TBC1D22A: variants seen among roughly 807,000 people sequenced by gnomAD.
TBC1D22A encodes the protein putative GTPase activator.
TBC1D22A carries 38 observed loss-of-function variants against 60.2 expected under a neutral mutation model. That is an observed-to-expected ratio of 0.63 (90% CI 0.49 to 0.83). The LOEUF is 0.83. Among genes scored for constraint, TBC1D22A ranks in the 40% least tolerant of loss-of-function variants. TBC1D22A has a pLI of 0.00. For missense variants in TBC1D22A, 628 were observed against 701.0 expected, an observed-to-expected ratio of 0.90 and a Z score of 1.18; for synonymous variants, 302 against 281.7, an observed-to-expected ratio of 1.07 and a Z score of -0.72.
intron 12 of TBC1D22A, among the ~76,000 whole-genome samples, chr22:47,123,868 G>A (rs1182137177): frequency 1.3e-5 from 2 of 152,094 alleles, no homozygotes; most frequent in African/African-American, 4.8e-5. Context: ...GATCAGGTTT[G>A]TGTTGCTGTG....
At chr22:47,060,238 CTTTTTTTTTT>C (rs3884803) in intron 11 of TBC1D22A, among the ~76,000 whole-genome samples, 2 of 111,658 alleles carry the variant, frequency 1.8e-5, no homozygotes, top group Non-Finnish European at 3.5e-5. Context: ...GGGTTTCTGA[CTTTTTTTTTT>C]TTTTTTTTTT....
chr22:47,153,887 G>A (rs1476878231), intron 12 of TBC1D22A, among the ~76,000 whole-genome samples: 1 of 152,198 alleles, frequency 6.6e-6, no homozygotes, highest in African/African-American at 2.4e-5. Flanking sequence ...AGTCCCGTGT[G>A]GAGGCGGGGA....
chr22:47,112,154 C>A (rs1404965959), intron 12 of TBC1D22A, among the ~76,000 whole-genome samples: 5 of 152,232 alleles, frequency 3.3e-5, no homozygotes. Flanking sequence ...ACCTGTGGGA[C>A]TCCCTGTGGA....
intron 1 of TBC1D22A, among the ~76,000 whole-genome samples, chr22:46,772,831 T>G (rs186902865): frequency 6.6e-6 from 1 of 152,170 alleles, no homozygotes; most frequent in Non-Finnish European, 1.5e-5. Context: ...ATTTTTACCA[T>G]GTTGGCCAGG....
At chr22:46,873,273 A>G (rs2067377011) in intron 4 of TBC1D22A, among the ~76,000 whole-genome samples, 1 of 152,222 alleles carries the variant, frequency 6.6e-6, no homozygotes, top group Non-Finnish European at 1.5e-5. Context: ...GATGGCCAGT[A>G]AACACATGAA....
chr22:46,967,199 C>T lies in TBC1D22A; in HGVS notation c.1016-7091C>T, dbSNP rs571125636. On this transcript the variant is annotated intron_variant, in intron 8 of 12. Coordinates refer to ENST00000337137, the MANE Select transcript of TBC1D22A (RefSeq NM_014346.5). ...TATCCATATAAGAATTAAACATTCC[C>T]GCACTAGAGCCATTTGATCATAACG... 1.2e-3 allele frequency among the ~76,000 whole-genome samples: 183 copies of T among 152,290 alleles called. 1 individual carries two copies. Among genetic ancestry groups the T allele is most frequent in the African/African-American group, 4.0e-3 (168 of 41,578 alleles).
chr22:46,866,277 G>C (rs1222431811), intron 4 of TBC1D22A, among the ~76,000 whole-genome samples: 2 of 152,022 alleles, frequency 1.3e-5, no homozygotes, highest in African/African-American at 4.8e-5. Flanking sequence ...GCTAATTTTT[G>C]TATTTTAGTA....
rs978369391 is a variant in TBC1D22A, at chr22:47,075,626, C to T, written c.1330-35882C>T. 1.5e-4 allele frequency among the ~76,000 whole-genome samples: 23 copies of T among 151,948 alleles called. No individual in the cohort carries two copies. In the East Asian group the frequency reaches 4.4e-3, roughly 29 times the overall value. ...AAACCTTGATCAATACAATAGAAGGCATAAAAGGAGAAGAAATATTTTTAA... is the reference window on the plus strand; with the variant it reads ...AAACCTTGATCAATACAATAGAAGGTATAAAAGGAGAAGAAATATTTTTAA... On this transcript the variant is annotated intron_variant, in intron 11 of 12. Transcript: ENST00000337137.
At chr22:46,867,130 G>T (rs964006100) in intron 4 of TBC1D22A, among the ~76,000 whole-genome samples, 1 of 152,154 alleles carries the variant, frequency 6.6e-6, no homozygotes, top group Non-Finnish European at 1.5e-5. Flanking sequence ...ATTCAGCTAC[G>T]TGACCAAGTA....
At chr22:46,852,139 A>G (rs560101881) in intron 4 of TBC1D22A, among the ~76,000 whole-genome samples, 2 of 152,230 alleles carry the variant, frequency 1.3e-5, no homozygotes, top group Middle Eastern at 3.4e-3. Context: ...CTGCTCAGCT[A>G]TTTGGGGGGA....
chr22:47,008,841 T>C (rs2061663691), intron 10 of TBC1D22A, among the ~76,000 whole-genome samples: 1 of 152,170 alleles, frequency 6.6e-6, no homozygotes, highest in Non-Finnish European at 1.5e-5. Flanking sequence ...AGGAACAGGC[T>C]GACCTCCCAC....
intron 9 of TBC1D22A, among the ~76,000 whole-genome samples, chr22:46,996,264 C>T (rs1171744417): frequency 2.0e-5 from 3 of 152,260 alleles, no homozygotes; most frequent in African/African-American, 7.2e-5. Flanking sequence ...CAGTGGCCTG[C>T]CTGGCTTCCC....
chr22:46,947,967 A>G (rs1475693728), intron 8 of TBC1D22A, among the ~76,000 whole-genome samples: 1 of 152,174 alleles, frequency 6.6e-6, no homozygotes, highest in East Asian at 1.9e-4. Flanking sequence ...CTCACCTGAT[A>G]AACTCGCCTT....
chr22:47,102,098 C>T (rs1172307388), intron 11 of TBC1D22A, among the ~76,000 whole-genome samples: 3 of 152,212 alleles, frequency 2.0e-5, no homozygotes, highest in African/African-American at 7.2e-5. Context: ...CCCCCACTTG[C>T]CGTTGCTGCA....
At chr22:47,089,749 A>G (rs890919680) in intron 11 of TBC1D22A, among the ~76,000 whole-genome samples, 4 of 152,266 alleles carry the variant, frequency 2.6e-5, no homozygotes, top group African/African-American at 9.6e-5. Flanking sequence ...TCACTGTTCC[A>G]TTTTCTGTAA....
intron 12 of TBC1D22A, among the ~76,000 whole-genome samples, chr22:47,151,718 T>C (rs2067510429): frequency 6.6e-6 from 1 of 152,182 alleles, no homozygotes; most frequent in African/African-American, 2.4e-5. Flanking sequence ...TGGTCACCAG[T>C]GACCTTACTC....
At chr22:47,148,304 G>A (rs2067361784) in intron 12 of TBC1D22A, among the ~76,000 whole-genome samples, 1 of 148,034 alleles carries the variant, frequency 6.8e-6, no homozygotes, top group South Asian at 2.2e-4. Flanking sequence ...TGCAGCCGCT[G>A]GACGAGGAAT....
At chr22:46,792,039 G>T (rs1345100859) in intron 1 of TBC1D22A, among the ~76,000 whole-genome samples, 1 of 152,230 alleles carries the variant, frequency 6.6e-6, no homozygotes, top group Non-Finnish European at 1.5e-5. Context: ...GGGATTACAG[G>T]CGTGAGCTAC....
At chr22:46,860,663 A>G (rs1003357205) in intron 4 of TBC1D22A, among the ~76,000 whole-genome samples, 4 of 151,348 alleles carry the variant, frequency 2.6e-5, no homozygotes, top group Admixed American at 2.6e-4. Context: ...ATCCTTTTCG[A>G]TAGAGGTCTG....
Sources: gnomAD v4.1 joint callset for allele counts (sites outside exome capture counted in the v4.1 genomes callset) on GRCh38, gnomAD v4.1.1 for gene constraint, MANE v1.5 for transcripts, NCBI Gene and HGNC (gene_info 2026-07-23, HGNC 2026-07-21) for gene names.